The following PHYH variants were observed in gnomAD, a reference collection of about 807,000 sequenced individuals.
PHYH encodes the protein phytanoyl-CoA 2-hydroxylase, also known as phytanoyl-CoA dioxygenase, peroxisomal.
In PHYH, 32 loss-of-function variants were observed where a neutral mutation model predicts 38.5. That is an observed-to-expected ratio of 0.83 (90% CI 0.63 to 1.12). The LOEUF (loss-of-function observed/expected upper bound fraction) is 1.12, where lower values mean the gene tolerates loss of function less well. Ranked by LOEUF, PHYH falls within the 50% of genes most tolerant of loss-of-function variation. The probability of loss-of-function intolerance (pLI) is 0.00; values close to 1 mark genes in which losing one functional copy is unlikely to be tolerated. For synonymous variants in PHYH, 166 were observed against 157.9 expected (o/e 1.05, Z -0.38); for missense variants, 426 against 434.8 (o/e 0.98, Z 0.18).
intron 5 of PHYH, among the ~76,000 whole-genome samples, chr10:13,289,219 G>A (rs559465773): frequency 1.3e-5 from 2 of 152,164 alleles, no homozygotes; most frequent in East Asian, 1.9e-4. Context: ...TTTTTGAGAC[G>A]GAGTCTTGTT....
chr10:13,278,279 A>C lies in PHYH; in HGVS notation c.*22T>G, dbSNP rs186628076. 4,417 of 1,569,420 alleles carry C rather than the reference A, an allele frequency of 2.8e-3. 26 individuals are homozygous for C. The highest frequency in any genetic ancestry group is 3.3e-3 in the Non-Finnish European group (3,721 of 1,139,272). On this transcript the variant is annotated 3_prime_UTR_variant, in exon 9 of 9. Transcript: ENST00000263038. ...CGTTTGGTTTTGGTTTTCTGTTGAAAGAGTTATAGCAGATGGCTATTTCAA... is the reference window on the plus strand; with the variant it reads ...CGTTTGGTTTTGGTTTTCTGTTGAACGAGTTATAGCAGATGGCTATTTCAA...
chr10:13,278,310 G>T lies in PHYH; in HGVS notation c.1008C>A (p.Thr336=). 6.2e-7 allele frequency: 1 copy of T among 1,609,258 alleles called. No individual in the cohort carries two copies. The highest frequency in any genetic ancestry group is 8.5e-7 in the Non-Finnish European group (1 of 1,175,734). ...ATAGCAGATGGCTATTTCAAAGATT[G>T]GTTCTTTCTCCTTTCACAAGTCGAG... ...FRARLVKGER[T]NL The change falls in exon 9 of 9, where the codon ACC becomes ACA. Residue 336 remains threonine, a synonymous_variant. Transcript: ENST00000263038.
At chr10:13,296,403 C>G (rs779112002) in intron 2 of PHYH, among the ~76,000 whole-genome samples, 2 of 150,408 alleles carry the variant, frequency 1.3e-5, no homozygotes, top group East Asian at 4.0e-4. Flanking sequence ...ATGATGAAAC[C>G]CCATCTCTAC....
At chr10:13,299,733 CGCG>C (rs1832697528) in intron 1 of PHYH, 1 of 1,305,694 alleles carries the variant, frequency 7.7e-7, no homozygotes, top group African/African-American at 1.6e-5. Flanking sequence ...GGCAGGGCAA[CGCG>C]GCAATTGCCC....
At chr10:13,280,781 T>A (rs1835391763) in intron 8 of PHYH, among the ~76,000 whole-genome samples, 195 bp downstream of exon 8, 1 of 152,198 alleles carries the variant, frequency 6.6e-6, no homozygotes, top group Non-Finnish European at 1.5e-5. Context: ...CAGGAAGTTC[T>A]CAAGCCTCCT....
intron 3 of PHYH, 183 bp from the exon 4 acceptor site, chr10:13,294,779 G>A (rs539022510): frequency 4.8e-6 from 3 of 619,090 alleles, no homozygotes; most frequent in South Asian, 3.7e-5. Flanking sequence ...TCCATTCCCA[G>A]AATTAAATTA....
intron 7 of PHYH, among the ~76,000 whole-genome samples, chr10:13,283,421 G>C (rs192231002): frequency 1.7e-3 from 253 of 152,132 alleles, no homozygotes; most frequent in African/African-American, 5.8e-3. Flanking sequence ...GAGCCACCGC[G>C]CCCGGCCCAT....
rs1835395503 is a variant in PHYH at position 13,280,975 on chromosome 10, C to T, written c.963+1G>A. On this transcript the variant is annotated splice_donor_variant, in intron 8 of 8. Coordinates refer to ENST00000263038, the MANE Select transcript of PHYH (RefSeq NM_006214.4). LOFTEE classifies it high-confidence loss of function. ...TACCTTGCTATTGTATACAAACATA[C>T]CTTCAAGTTCACGCTATTTTCAGCT... is the stretch of plus-strand genomic sequence containing the variant. 6.2e-7 allele frequency: 1 copy of T among 1,613,712 alleles called. No individual in the cohort carries two copies. Among genetic ancestry groups the T allele is most frequent in the Admixed American group, 1.7e-5 (1 of 60,000 alleles).
chr10:13,292,449 A>G (rs1835735294), intron 4 of PHYH, among the ~76,000 whole-genome samples: 1 of 152,234 alleles, frequency 6.6e-6, no homozygotes, highest in African/African-American at 2.4e-5. Context: ...AGCAGGTCCC[A>G]GGAGTTAGAT....
At chr10:13,280,937 A>T (rs955635659) in intron 8 of PHYH, 39 bp downstream of exon 8, 9 of 1,599,462 alleles carry the variant, frequency 5.6e-6, no homozygotes, top group Non-Finnish European at 7.7e-6. Flanking sequence ...AGAAAAGAAA[A>T]ACCTGAGATT....
intron 5 of PHYH, among the ~76,000 whole-genome samples, chr10:13,289,980 C>G (rs941954669): frequency 7.0e-6 from 1 of 142,420 alleles, no homozygotes; most frequent in African/African-American, 2.6e-5. Context: ...AAAAAACACA[C>G]AAAACAGGAC....
intron 6 of PHYH, among the ~76,000 whole-genome samples, chr10:13,284,506 C>T (rs2131635625): frequency 6.6e-6 from 1 of 152,208 alleles, no homozygotes; most frequent in Admixed American, 6.5e-5. Context: ...GCATTTCCAG[C>T]CTGAAACTGT....
At chr10:13,285,895 C>T (rs892617713) in intron 6 of PHYH, among the ~76,000 whole-genome samples, 1 of 151,686 alleles carries the variant, frequency 6.6e-6, no homozygotes, top group East Asian at 1.9e-4. Context: ...TGAGCCACTG[C>T]GCCCAGCCCA....
intron 3 of PHYH, 117 bp downstream of exon 3, chr10:13,295,379 T>C (rs576508151): frequency 3.9e-4 from 274 of 707,656 alleles, no homozygotes; most frequent in Non-Finnish European, 6.2e-4. Flanking sequence ...TCTAAACACT[T>C]CCCAACAAAC....
chr10:13,288,285 T>A, intron 6 of PHYH, 75 bp downstream of exon 6: 1 of 1,285,856 alleles, frequency 7.8e-7, no homozygotes, highest in Non-Finnish European at 1.1e-6. Context: ...ATTTGTAAAC[T>A]CTTTAGAGGT....
In PHYH at chr10:13,298,718, C is replaced by CACTACTACTACTACTACTACT. The variant is rs56043624; in HGVS notation, c.76-494_76-474dup. 6.2e-3 allele frequency among the ~76,000 whole-genome samples: 576 copies of CACTACTACTACTACTACTACT among 93,428 alleles called. 5 individuals are homozygous for CACTACTACTACTACTACTACT. Among genetic ancestry groups the CACTACTACTACTACTACTACT allele is most frequent in the African/African-American group, 0.012 (326 of 26,174 alleles). 61.3% of individuals were successfully genotyped at this position (93,428 alleles called of 152,430 possible). A position where few individuals can be genotyped will look rare whatever the true frequency, so the allele number is the denominator to read the frequency against. ...TCCATCTCAGAAAAAAAACTACCAC[C>CACTACTACTACTACTACTACT]ACTACTACTACTACTACTACTACTA... On this transcript the variant is annotated intron_variant, in intron 1 of 8. Coordinates refer to ENST00000263038, the MANE Select transcript of PHYH (RefSeq NM_006214.4).
rs1291744406 is a variant in PHYH, at chr10:13,298,264, C to G, written c.76-19G>C. 1.3e-6 allele frequency: 2 copies of G among 1,551,546 alleles called. No individual in the cohort carries two copies. Among genetic ancestry groups the G allele is most frequent in the African/African-American group, 2.7e-5 (2 of 73,608 alleles). On this transcript the variant is annotated intron_variant, in intron 1 of 8. Coordinates refer to ENST00000263038, the MANE Select transcript of PHYH (RefSeq NM_006214.4). ...GAGCTACCTAGGATGTGAATTAAGG[C>G]AAATAAAGTAAAATATAGAAGGCCA...
At chr10:13,294,787 T>G (rs891953859) in intron 3 of PHYH, 191 bp from the exon 4 acceptor site, 1 of 612,030 alleles carries the variant, frequency 1.6e-6, no homozygotes, top group Non-Finnish European at 2.9e-6. Context: ...CAGAATTAAA[T>G]TATTCCCTAG....
rs773564976 is a variant in PHYH at position 13,280,988 on chromosome 10, G to A, written c.951C>T (p.Ser317=). Residue 317 remains serine (S), a synonymous_variant, in exon 8 of 9, where the codon AGC becomes AGT. Coordinates refer to ENST00000263038, the MANE Select transcript of PHYH (RefSeq NM_006214.4). ...TATACAAACATACCTTCAAGTTCAC[G>A]CTATTTTCAGCTCCAAAGAATTTAT... ...IAHKFFGAEN[S]VNLKDIWMFR... 22 of 1,613,826 alleles carry A rather than the reference G, an allele frequency of 1.4e-5. No homozygotes were observed. Among genetic ancestry groups the A allele is most frequent in the South Asian group, 2.2e-5 (2 of 91,068 alleles).
Sources: allele counts gnomAD v4.1 joint callset (sites outside exome capture counted in the v4.1 genomes callset), GRCh38; gene constraint gnomAD v4.1.1; transcripts MANE v1.5; gene names NCBI Gene and HGNC (gene_info 2026-07-23, HGNC 2026-07-21).